GNAQ: variants seen among roughly 807,000 people sequenced by gnomAD.
GNAQ encodes guanine nucleotide-binding protein G(q) subunit alpha.
GNAQ carries 8 observed loss-of-function variants against 43.9 expected under a neutral mutation model. That is an observed-to-expected ratio of 0.18 (90% CI 0.11 to 0.33). The LOEUF is 0.33. GNAQ is among the 10% of genes least tolerant of loss of function. The pLI is 1.00. For synonymous variants in GNAQ, 155 were observed against 170.7 expected (o/e 0.91, Z 0.71); for missense variants, 158 against 450.8 (o/e 0.35, Z 5.88).
chr9:77,740,458 T>A (rs1825635654), intron 5 of GNAQ, among the ~76,000 whole-genome samples: 1 of 151,976 alleles, frequency 6.6e-6, no homozygotes, highest in South Asian at 2.1e-4. Flanking sequence ...GCAATCAGAG[T>A]AAGTTTGGAA....
At chr9:77,846,695 T>C (rs1399748155) in intron 2 of GNAQ, among the ~76,000 whole-genome samples, 1 of 152,152 alleles carries the variant, frequency 6.6e-6, no homozygotes, top group East Asian at 1.9e-4. Context: ...AACCTAAATA[T>C]AGTGAACAAG....
At chr9:77,862,429 A>G (rs564753643) in intron 2 of GNAQ, among the ~76,000 whole-genome samples, 1 of 152,144 alleles carries the variant, frequency 6.6e-6, no homozygotes, top group Non-Finnish European at 1.5e-5. Flanking sequence ...TTCTGTGCAC[A>G]TGCAGGCTAA....
At chr9:77,852,572 G>T (rs1299235216) in intron 2 of GNAQ, among the ~76,000 whole-genome samples, 1 of 152,190 alleles carries the variant, frequency 6.6e-6, no homozygotes. Flanking sequence ...GAAAAGGTTG[G>T]CTCCTCCAGT....
intron 4 of GNAQ, 25 bp downstream of exon 4, chr9:77,797,495 T>G (rs375792308): frequency 6.3e-7 from 1 of 1,593,384 alleles, no homozygotes; most frequent in Non-Finnish European, 8.6e-7. Flanking sequence ...AGCTGGGAAA[T>G]AGGTTTCATG....
At chr9:77,933,444 T>C (rs1215288716) in intron 1 of GNAQ, among the ~76,000 whole-genome samples, 1 of 152,028 alleles carries the variant, frequency 6.6e-6, no homozygotes, top group African/African-American at 2.4e-5. Context: ...GGTGGGTGAA[T>C]TGCTTGAGAC....
intron 5 of GNAQ, among the ~76,000 whole-genome samples, chr9:77,780,609 T>C (rs1316210596): frequency 6.6e-6 from 1 of 151,936 alleles, no homozygotes; most frequent in African/African-American, 2.4e-5. Context: ...AACTTCTCTT[T>C]GCTTTGGATA....
intron 2 of GNAQ, among the ~76,000 whole-genome samples, chr9:77,893,099 C>A (rs914635151): frequency 6.6e-6 from 1 of 152,118 alleles, no homozygotes; most frequent in South Asian, 2.1e-4. Flanking sequence ...CAAACCAGAG[C>A]GACTCCATCT....
rs755761987 is a variant in GNAQ at position 78,031,079 on chromosome 9, G to A, written c.136+21C>T. On this transcript the variant is annotated intron_variant, in intron 1 of 6. Transcript: ENST00000286548. ...TGGGCTGGGGGCGCAGAGGCCCGGC[G>A]GGGCCCCGGACGGTACTCACCGAGC... is the stretch of plus-strand genomic sequence containing the variant. 7 of 1,442,176 alleles carry A rather than the reference G, an allele frequency of 4.9e-6. No homozygotes were observed. In the East Asian group the frequency reaches 1.4e-4, roughly 30 times the overall value. The allele number at this position is 1,442,176 out of a possible 1,614,324, so 89.3% of individuals were successfully genotyped here.
At chr9:78,024,324 G>A (rs971364219) in intron 1 of GNAQ, among the ~76,000 whole-genome samples, 7 of 152,150 alleles carry the variant, frequency 4.6e-5, no homozygotes, top group Admixed American at 2.0e-4. Context: ...GGAAAATGGA[G>A]GACATATGGA....
At chr9:77,755,671 T>C (rs114055447) in intron 5 of GNAQ, among the ~76,000 whole-genome samples, 2,111 of 152,354 alleles carry the variant, frequency 0.014, 50 homozygotes, top group African/African-American at 0.046. Context: ...AGCATTTAAG[T>C]ATCGTTAACT....
chr9:77,905,515 A>G (rs913570395), intron 2 of GNAQ, among the ~76,000 whole-genome samples: 33 of 152,142 alleles, frequency 2.2e-4, no homozygotes, highest in Admixed American at 4.6e-4. Flanking sequence ...AAATTTCAAA[A>G]TTTCTCTTTT....
At chr9:77,998,070 G>A (rs909229934) in intron 1 of GNAQ, among the ~76,000 whole-genome samples, 8 of 151,806 alleles carry the variant, frequency 5.3e-5, no homozygotes, top group East Asian at 1.9e-4. Flanking sequence ...ACACGCACAC[G>A]CGCGCATGTA....
intron 5 of GNAQ, among the ~76,000 whole-genome samples, chr9:77,763,680 G>C (rs1218071171): frequency 6.6e-6 from 1 of 152,196 alleles, no homozygotes; most frequent in Non-Finnish European, 1.5e-5. Context: ...AACTGTTACT[G>C]TGAATACGAC....
At chr9:77,734,851 A>G (rs970911364) in intron 5 of GNAQ, among the ~76,000 whole-genome samples, 2 of 152,248 alleles carry the variant, frequency 1.3e-5, no homozygotes, top group African/African-American at 4.8e-5. Context: ...ATACATGAGC[A>G]TGTCTATAAA....
intron 2 of GNAQ, among the ~76,000 whole-genome samples, chr9:77,832,080 T>C (rs1349595788): frequency 8.3e-6 from 1 of 120,478 alleles, no homozygotes; most frequent in African/African-American, 2.5e-5. Context: ...TTGGAGAGAT[T>C]AGAGCACTTT....
chr9:77,739,788 A>G (rs958561704), intron 5 of GNAQ, among the ~76,000 whole-genome samples: 1 of 152,224 alleles, frequency 6.6e-6, no homozygotes, highest in Admixed American at 6.5e-5. Context: ...TTCTGATCTT[A>G]CAGTTGATGA....
At chr9:78,015,820 T>C (rs1823831803) in intron 1 of GNAQ, among the ~76,000 whole-genome samples, 1 of 152,234 alleles carries the variant, frequency 6.6e-6, no homozygotes, top group South Asian at 2.1e-4. Context: ...ATAAGAATGC[T>C]ACATAGGGAC....
chr9:77,781,183 T>C (rs1416621011), intron 5 of GNAQ, among the ~76,000 whole-genome samples: 1 of 152,104 alleles, frequency 6.6e-6, no homozygotes, highest in Non-Finnish European at 1.5e-5. Context: ...CCCAGACCTA[T>C]GTCCTGATGT....
chr9:77,880,670 C>T (rs1012463621), intron 2 of GNAQ, among the ~76,000 whole-genome samples: 3 of 151,940 alleles, frequency 2.0e-5, no homozygotes, highest in African/African-American at 7.3e-5. Flanking sequence ...ACCCCACATC[C>T]CAAATTCTAT....
Sources: allele counts gnomAD v4.1 joint callset (sites outside exome capture counted in the v4.1 genomes callset), GRCh38; gene constraint gnomAD v4.1.1; transcripts MANE v1.5; gene names NCBI Gene and HGNC (gene_info 2026-07-23, HGNC 2026-07-21).